The following RACGAP1 variants were observed in gnomAD, a reference collection of about 807,000 sequenced individuals.
The protein encoded by RACGAP1 is Rac GTPase activating protein 1.
In RACGAP1, 30 loss-of-function variants were observed where a neutral mutation model predicts 78.1. The ratio of observed to expected loss-of-function variants is 0.38; its 90% CI spans 0.29 to 0.52. RACGAP1 has a LOEUF of 0.52. Among genes scored for constraint, RACGAP1 ranks in the 20% least tolerant of loss-of-function variants. The pLI is 0.82. For synonymous variants in RACGAP1, 231 were observed against 264.8 expected, an observed-to-expected ratio of 0.87 and a Z score of 1.24; for missense variants, 587 against 777.1, an observed-to-expected ratio of 0.76 and a Z score of 2.91.
At chr12:50,032,441 T>C (rs1231660401) in intron 1 of RACGAP1, among the ~76,000 whole-genome samples, 2 of 152,156 alleles carry the variant, frequency 1.3e-5, no homozygotes, top group South Asian at 2.1e-4. Context: ...CTCTTACACC[T>C]GCCTCTACCC....
At chr12:49,992,443 C>G (rs868038186) in intron 13 of RACGAP1, 66 bp from the exon 14 acceptor site, 3 of 1,588,088 alleles carry the variant, frequency 1.9e-6, no homozygotes, top group Middle Eastern at 3.5e-4. Context: ...AATATAAATT[C>G]TATAAGAAAA....
Position 49,992,558 on chromosome 12 carries a change from G to A in RACGAP1, c.1437C>T (p.His479=), listed in dbSNP as rs780491460. 6.2e-7 allele frequency: 1 copy of A among 1,613,618 alleles called. No individual in the cohort carries two copies. The highest frequency in any genetic ancestry group is 1.3e-5 in the African/African-American group (1 of 74,976). The stretch of plus-strand genomic sequence containing the variant: ...GTTTCTGCTGTACTCACCTCTGCAA[G>A]TGAATCATGAGGAAAGCTAATGTGT... ...NRDTLAFLMI[H]LQRVAQSPHT... is the part of the protein sequence containing the mutation. The change falls in exon 13 of 17, where the codon CAC becomes CAT. Residue 479 remains histidine (H), a synonymous_variant. Transcript: ENST00000312377.
chr12:50,001,326 A>G, intron 6 of RACGAP1, 74 bp from the exon 7 acceptor site: 2 of 1,261,088 alleles, frequency 1.6e-6, no homozygotes, highest in Non-Finnish European at 2.3e-6. Context: ...TTATTCCATC[A>G]AACAACTTGG....
chr12:50,007,542 C>T (rs1013626383), intron 2 of RACGAP1, among the ~76,000 whole-genome samples: 2 of 152,204 alleles, frequency 1.3e-5, no homozygotes, highest in African/African-American at 4.8e-5. Context: ...GCTGGTCAAA[C>T]TAACCCAGTT....
At chr12:50,022,296 A>C (rs943009478) in intron 1 of RACGAP1, among the ~76,000 whole-genome samples, 2 of 152,248 alleles carry the variant, frequency 1.3e-5, no homozygotes, top group Admixed American at 1.3e-4. Flanking sequence ...GTTAACAGTA[A>C]AACAGGCTAG....
At chr12:50,020,136 G>A (rs946244765) in intron 1 of RACGAP1, among the ~76,000 whole-genome samples, 5 of 152,028 alleles carry the variant, frequency 3.3e-5, no homozygotes, top group African/African-American at 1.2e-4. Context: ...GAAATGATTC[G>A]GGCACTAAAC....
intron 7 of RACGAP1, 132 bp from the exon 8 acceptor site, chr12:49,999,865 T>A: frequency 1.5e-6 from 1 of 679,618 alleles, no homozygotes; most frequent in Non-Finnish European, 2.5e-6. Context: ...ATACTTTTTT[T>A]TTGAGACAGA....
At chr12:49,999,950 C>G (rs986020174) in intron 7 of RACGAP1, among the ~76,000 whole-genome samples, 1 of 151,866 alleles carries the variant, frequency 6.6e-6, no homozygotes, top group Non-Finnish European at 1.5e-5. Context: ...CTCCCAGGTT[C>G]AAGGCATTCT....
At chr12:50,010,067 G>A (rs906188421) in intron 2 of RACGAP1, among the ~76,000 whole-genome samples, 3 of 152,110 alleles carry the variant, frequency 2.0e-5, no homozygotes, top group Non-Finnish European at 2.9e-5. Context: ...GCATAGTGTA[G>A]CACAAACCTA....
rs1343968917 is a variant in RACGAP1, at chr12:50,021,558, A to T, written c.-5+3840T>A. Reference sequence around the variant, plus strand: ...CCTTCAGAAAAACAGACTATTACAGATCTTACTGCAGGGTATCCTGGGAAA... The same window carrying T: ...CCTTCAGAAAAACAGACTATTACAGTTCTTACTGCAGGGTATCCTGGGAAA... On this transcript the variant is annotated intron_variant, in intron 1 of 16. Coordinates refer to ENST00000312377, the MANE Select transcript of RACGAP1 (RefSeq NM_001319999.2). Among the ~76,000 whole-genome samples the T allele has an allele frequency of 4.6e-5, 7 of 152,192 alleles. No homozygotes were observed. The East Asian group carries it at 1.3e-3, about 29-fold the overall frequency.
At chr12:50,008,025 T>C (rs1032956054) in intron 2 of RACGAP1, among the ~76,000 whole-genome samples, 2 of 151,708 alleles carry the variant, frequency 1.3e-5, no homozygotes, top group Non-Finnish European at 2.9e-5. Context: ...GATTTTCATC[T>C]GACCTAATTT....
In RACGAP1 at chr12:49,992,094, T is replaced by A; in HGVS notation, c.1618A>T (p.Ser540Cys). 6.2e-7 allele frequency: 1 copy of A among 1,614,066 alleles called. No homozygotes were observed. The highest frequency in any genetic ancestry group is 8.5e-7 in the Non-Finnish European group (1 of 1,180,012). The change falls in exon 15 of 17, where the codon AGT becomes TGT. Residue 540 changes from serine to cysteine, a missense_variant. Transcript: ENST00000312377. ...TCTTGCTCCACCATCATGAACTGAC[T>A]CCAATACTCCAGAGGCAAGGAAAGC... ...RLLSLPLEYW[S>C]QFMMVEQENI...
intron 1 of RACGAP1, among the ~76,000 whole-genome samples, chr12:50,017,943 G>C (rs1259920000): frequency 6.6e-6 from 1 of 152,178 alleles, no homozygotes; most frequent in Non-Finnish European, 1.5e-5. Flanking sequence ...GATCACTTGA[G>C]GTCAGGAGTT....
At chr12:50,016,780 A>C in intron 1 of RACGAP1, 61 bp from the exon 2 acceptor site, 2 of 1,549,932 alleles carry the variant, frequency 1.3e-6, no homozygotes, top group East Asian at 4.5e-5. Context: ...AAAAGATTCT[A>C]TAGCAATCCA....
chr12:50,017,916 G>A (rs987737973), intron 1 of RACGAP1, among the ~76,000 whole-genome samples: 3 of 152,164 alleles, frequency 2.0e-5, no homozygotes, highest in Non-Finnish European at 2.9e-5. Context: ...CAGCACTTTG[G>A]GAGGCCCAGG....
At chr12:50,010,240 C>T (rs999265901) in intron 2 of RACGAP1, among the ~76,000 whole-genome samples, 1 of 151,836 alleles carries the variant, frequency 6.6e-6, no homozygotes, top group East Asian at 1.9e-4. Flanking sequence ...ACAAAATATG[C>T]TATTAAAGTC....
upstream of RACGAP1, chr12:50,025,581 C>G (rs760892023): frequency 9.2e-6 from 9 of 976,192 alleles, no homozygotes; most frequent in Non-Finnish European, 1.1e-5. Flanking sequence ...GCGGAGGTGA[C>G]GGGAACGGGA....
In RACGAP1 at chr12:50,014,650, C is replaced by T. The variant is rs575705063; in HGVS notation, c.85+1981G>A. Among the ~76,000 whole-genome samples the T allele has an allele frequency of 5.9e-5, 9 of 151,994 alleles. 1 individual carries two copies. The highest frequency in any genetic ancestry group is 1.9e-4 in the African/African-American group (8 of 41,302). On this transcript the variant is annotated intron_variant, in intron 2 of 16. Coordinates refer to ENST00000312377, the MANE Select transcript of RACGAP1 (RefSeq NM_001319999.2). ...TGATCTCAGCTTACTGCAACCTCTGCCTCCCCAGTGATCCTCCCACCTCAG... is the reference window on the plus strand; with the variant it reads ...TGATCTCAGCTTACTGCAACCTCTGTCTCCCCAGTGATCCTCCCACCTCAG...
chr12:49,999,369 A>G, intron 8 of RACGAP1, 98 bp from the exon 9 acceptor site: 1 of 1,437,568 alleles, frequency 7.0e-7, no homozygotes, highest in Non-Finnish European at 9.4e-7. Flanking sequence ...GTAATCTGTT[A>G]TCATAGCCAA....
Sources: allele counts gnomAD v4.1 joint callset (sites outside exome capture counted in the v4.1 genomes callset), GRCh38; gene constraint gnomAD v4.1.1; transcripts MANE v1.5; gene names NCBI Gene and HGNC (gene_info 2026-07-23, HGNC 2026-07-21).